The following DNMBP variants were observed in gnomAD, a reference collection of about 807,000 sequenced individuals.
The protein encoded by DNMBP is dynamin-binding protein.
A neutral mutation model predicts 150.0 loss-of-function variants in DNMBP; 87 were observed. The observed-to-expected ratio is 0.58, with a 90% confidence interval of 0.49 to 0.69. The LOEUF is 0.69. DNMBP is among the 30% of genes least tolerant of loss of function. The pLI is 0.00. For missense variants in DNMBP, 1,774 were observed against 1,949.0 expected, an observed-to-expected ratio of 0.91 and a Z score of 1.69; for synonymous variants, 711 against 750.4, an observed-to-expected ratio of 0.95 and a Z score of 0.86.
intron 1 of DNMBP, among the ~76,000 whole-genome samples, chr10:100,007,804 AATAACTC>A (rs2041091603): frequency 6.6e-6 from 1 of 152,232 alleles, no homozygotes; most frequent in South Asian, 2.1e-4. Flanking sequence ...GCAAGAAACT[AATAACTC>A]ATAATTAACT....
At chr10:99,997,228 C>G (rs111776605) in intron 1 of DNMBP, among the ~76,000 whole-genome samples, 1 of 152,216 alleles carries the variant, frequency 6.6e-6, no homozygotes, top group Non-Finnish European at 1.5e-5. Flanking sequence ...GCTACAAGCA[C>G]TGTCTAAAAG....
intron 1 of DNMBP, among the ~76,000 whole-genome samples, chr10:99,976,823 C>T (rs1016430056): frequency 6.6e-6 from 1 of 151,504 alleles, no homozygotes; most frequent in African/African-American, 2.4e-5. Flanking sequence ...CTGCAAACTT[C>T]TTAGCCATCT....
chr10:99,939,117 G>T (rs1274508329), intron 4 of DNMBP, among the ~76,000 whole-genome samples: 1 of 151,070 alleles, frequency 6.6e-6, no homozygotes, highest in Non-Finnish European at 1.5e-5. Flanking sequence ...GGAGAAAAGT[G>T]TGCCAAAAAA....
chr10:99,948,965 AAAATAAATAAAT>A (rs55754467), intron 4 of DNMBP, among the ~76,000 whole-genome samples: 2,312 of 137,200 alleles, frequency 0.017, 56 homozygotes, highest in African/African-American at 0.057. Context: ...CTCCATCTCA[AAAATAAATAAAT>A]AAATAAATAA....
chr10:99,988,818 T>C (rs893601058), intron 1 of DNMBP, among the ~76,000 whole-genome samples: 2 of 152,058 alleles, frequency 1.3e-5, no homozygotes, highest in Non-Finnish European at 2.9e-5. Flanking sequence ...TGAACCACCA[T>C]ACCCGGCTAA....
At chr10:99,968,206 C>T (rs2040639201) in intron 3 of DNMBP, among the ~76,000 whole-genome samples, 1 of 152,130 alleles carries the variant, frequency 6.6e-6, no homozygotes, top group Non-Finnish European at 1.5e-5. Flanking sequence ...TCCTTTTAAA[C>T]TGGCTCTGAT....
intron 11 of DNMBP, among the ~76,000 whole-genome samples, chr10:99,892,026 C>T (rs2039576718): frequency 2.1e-5 from 3 of 142,418 alleles, no homozygotes; most frequent in African/African-American, 8.5e-5. Flanking sequence ...GGCCAGCCGC[C>T]CCGTCCGGGA....
intron 1 of DNMBP, among the ~76,000 whole-genome samples, chr10:100,002,367 C>G (rs1182215339): frequency 6.6e-6 from 1 of 152,162 alleles, no homozygotes; most frequent in African/African-American, 2.4e-5. Flanking sequence ...TGAGAATTCA[C>G]TGCCCAACAC....
At chr10:99,988,253 AT>A (rs1376195741) in intron 1 of DNMBP, among the ~76,000 whole-genome samples, 1 of 152,062 alleles carries the variant, frequency 6.6e-6, no homozygotes, top group African/African-American at 2.4e-5. Flanking sequence ...AGAGACTTCA[AT>A]TTTCAATTTG....
chr10:99,975,026 A>ACTTT (rs1436740698), intron 1 of DNMBP, among the ~76,000 whole-genome samples: 23 of 152,258 alleles, frequency 1.5e-4, no homozygotes, highest in Middle Eastern at 6.8e-3. Context: ...CCAAAGTGCC[A>ACTTT]GGGGGTTACA....
At chr10:99,940,437 C>T (rs2040282188) in intron 4 of DNMBP, among the ~76,000 whole-genome samples, 1 of 152,148 alleles carries the variant, frequency 6.6e-6, no homozygotes. Flanking sequence ...GAGGAAGGGT[C>T]CCTGCTCTGA....
chr10:99,929,945 T>G, intron 4 of DNMBP: 1 of 702,922 alleles, frequency 1.4e-6, no homozygotes, highest in Non-Finnish European at 2.6e-6. Context: ...ATGCACAGTT[T>G]GCAAATAAAG....
rs2039288239 is a variant in DNMBP at position 99,877,165 on chromosome 10, TTTTGCGGATA to T, written c.4710_4719del (p.Tyr1570Ter). 1 of 1,609,532 alleles carries T rather than the reference TTTTGCGGATA, an allele frequency of 6.2e-7. No individual in the cohort carries two copies. Among genetic ancestry groups the T allele is most frequent in the Non-Finnish European group, 8.5e-7 (1 of 1,178,080 alleles). On this transcript the variant is annotated frameshift_variant, in exon 17 of 17. Transcript: ENST00000324109. LOFTEE classifies it high-confidence loss of function. The stretch of plus-strand genomic sequence containing the variant: ...GCAACGTGGGCTCAGGTGTACTCGG[TTTTGCGGATA>T]TAATTGGAGGGAACGTAGCCCTTCT...
intron 4 of DNMBP, among the ~76,000 whole-genome samples, chr10:99,939,755 A>G (rs565208623): frequency 6.6e-6 from 1 of 152,356 alleles, no homozygotes; most frequent in African/African-American, 2.4e-5. Context: ...AACTTCCGCA[A>G]TCACCCCTGC....
chr10:99,883,988 C>T (rs2039411938), intron 15 of DNMBP, 23 bp downstream of exon 15: 1 of 1,610,978 alleles, frequency 6.2e-7, no homozygotes, highest in Non-Finnish European at 8.5e-7. Flanking sequence ...CAGTTACAGT[C>T]CTCTGCTGCT....
At chr10:99,914,692 G>A (rs540399023) in intron 4 of DNMBP, among the ~76,000 whole-genome samples, 4 of 152,098 alleles carry the variant, frequency 2.6e-5, no homozygotes, top group Non-Finnish European at 5.9e-5. Context: ...ACAACAATAT[G>A]CCACAATTTT....
chr10:99,956,775 T>C lies in DNMBP; in HGVS notation c.699A>G (p.Glu233=), dbSNP rs2040502063. The C allele has an allele frequency of 1.9e-6, 3 of 1,614,104 alleles. No individual in the cohort carries two copies. The Admixed American group carries it at 5.0e-5, about 27-fold the overall frequency. The change falls in exon 4 of 17, where the codon GAA becomes GAG. Residue 233 remains glutamate (E), a synonymous_variant. Coordinates refer to ENST00000324109, the MANE Select transcript of DNMBP (RefSeq NM_015221.4). ...CCTCATCCTCATCCGGCCCTATCTC[T>C]TCTTCTCCTACAGGGGTATCTACTT... is the stretch of plus-strand genomic sequence containing the variant. ...NGEVDTPVGE[E]EIGPDEDEEE... is the part of the protein sequence containing the mutation.
At position 100,009,933 on chromosome 10, in the gene DNMBP, G is replaced by C. The variant is rs1432446075; in HGVS notation, c.-106C>G. 6.7e-6 allele frequency: 1 copy of C among 148,206 alleles called. No individual in the cohort carries two copies. The highest frequency in any genetic ancestry group is 1.5e-5 in the Non-Finnish European group (1 of 66,434). The allele number at this position is 148,206 out of a possible 1,614,324, so 9.2% of individuals were successfully genotyped here. A position where few individuals can be genotyped will look rare whatever the true frequency, so the allele number is the denominator to read the frequency against. The stretch of plus-strand genomic sequence containing the variant: ...ACCTCCGCCCCTGGAAGCGGCGGGC[G>C]GGTCGATCCCGTGTGAGTCAGCGCG... On this transcript the variant is annotated 5_prime_UTR_variant, in exon 1 of 17. Coordinates refer to ENST00000324109, the MANE Select transcript of DNMBP (RefSeq NM_015221.4).
intron 4 of DNMBP, among the ~76,000 whole-genome samples, chr10:99,917,070 T>C (rs1042869568): frequency 9.2e-5 from 14 of 152,100 alleles, no homozygotes; most frequent in Non-Finnish European, 1.6e-4. Context: ...TAAAATACTC[T>C]TATAAGGCCA....
Sources: allele counts gnomAD v4.1 joint callset (sites outside exome capture counted in the v4.1 genomes callset), GRCh38; gene constraint gnomAD v4.1.1; transcripts MANE v1.5; gene names NCBI Gene and HGNC (gene_info 2026-07-23, HGNC 2026-07-21).